Variants in SPATA13 observed in about 807,000 individuals in gnomAD.
SPATA13 encodes the protein spermatogenesis-associated protein 13.
Under a neutral mutation model 104.0 loss-of-function variants are expected in SPATA13, and 50 were observed. The observed-to-expected ratio is 0.48, with a 90% CI of 0.38 to 0.61. The LOEUF is 0.61. Ranked by LOEUF, SPATA13 falls within the 20% of genes least tolerant of loss-of-function variation. SPATA13 has a pLI of 0.00. For synonymous variants in SPATA13, 606 were observed against 667.5 expected (o/e 0.91, Z 1.42); for missense variants, 1,524 against 1,690.6 (o/e 0.90, Z 1.73).
chr13:24,148,941 C>T (rs115478316), intron 3 of SPATA13, among the ~76,000 whole-genome samples: 3,264 of 152,244 alleles, frequency 0.021, 117 homozygotes, highest in African/African-American at 0.075. Flanking sequence ...GAAATGCTCT[C>T]CTATGCATGC....
Position 24,148,910 on chromosome 13 carries a change from A to G in SPATA13, c.-111-73909A>G, listed in dbSNP as rs917683212. 1.1e-4 allele frequency among the ~76,000 whole-genome samples: 16 copies of G among 150,162 alleles called. No homozygotes were observed. The South Asian group carries it at 2.9e-3, about 27-fold the overall frequency. On this transcript the variant is annotated intron_variant, in intron 3 of 14. Transcript: ENST00000424834. Reference sequence around the variant, plus strand: ...GGCTTGTTTATTATTCATGGTTTCCATGAGTGTTTGTTTATACCAGGAAAT... The same window carrying G: ...GGCTTGTTTATTATTCATGGTTTCCGTGAGTGTTTGTTTATACCAGGAAAT...
intron 1 of SPATA13, among the ~76,000 whole-genome samples, chr13:24,198,918 A>G (rs186154232): frequency 4.5e-4 from 68 of 151,008 alleles, no homozygotes; most frequent in African/African-American, 1.3e-3. Context: ...GTATTTTTAG[A>G]ATATATATTA....
At chr13:24,083,871 C>G (rs75957959) in intron 3 of SPATA13, among the ~76,000 whole-genome samples, 1 of 152,132 alleles carries the variant, frequency 6.6e-6, no homozygotes, top group Non-Finnish European at 1.5e-5. Flanking sequence ...AAAAAACCCC[C>G]GTCTGGAGAT....
intron 3 of SPATA13, among the ~76,000 whole-genome samples, chr13:24,116,981 T>C (rs1318155631): frequency 3.9e-5 from 6 of 152,166 alleles, no homozygotes. Flanking sequence ...ACCAGGAACT[T>C]AATCAGAGGG....
intron 2 of SPATA13, among the ~76,000 whole-genome samples, chr13:24,235,702 A>G (rs956736740): frequency 6.6e-6 from 1 of 152,302 alleles, no homozygotes; most frequent in Admixed American, 6.5e-5. Flanking sequence ...GGCCACAGTG[A>G]GTTATGATTG....
At chr13:23,982,346 T>C (rs945323690) in intron 1 of SPATA13, among the ~76,000 whole-genome samples, 9 of 152,204 alleles carry the variant, frequency 5.9e-5, no homozygotes, top group Non-Finnish European at 1.2e-4. Context: ...ATTTTACTGT[T>C]AAAATTTTAT....
chr13:24,284,076 T>C (rs573533304), intron 4 of SPATA13, 59 bp from the exon 5 acceptor site: 2 of 1,546,744 alleles, frequency 1.3e-6, no homozygotes, highest in African/African-American at 2.7e-5. Context: ...TTTTTCATCA[T>C]ATGAAAAAAT....
chr13:24,251,607 A>G, intron 3 of SPATA13, 111 bp from the exon 4 acceptor site: 1 of 1,522,580 alleles, frequency 6.6e-7, no homozygotes, highest in Non-Finnish European at 8.8e-7. Context: ...GATTGGAGAA[A>G]CCATTTCACG....
Position 24,224,260 on chromosome 13 carries a change from C to A in SPATA13, c.1331C>A (p.Ser444Tyr), listed in dbSNP as rs1215037723. 4 of 1,551,600 alleles carry A rather than the reference C, an allele frequency of 2.6e-6. No individual in the cohort carries two copies. The highest frequency in any genetic ancestry group is 3.5e-6 in the Non-Finnish European group (4 of 1,146,996). Residue 444 changes from serine to tyrosine, a missense_variant, in exon 2 of 13, where the codon TCC becomes TAC. Around this residue, in one of 2 missense-constraint regions of SPATA13, gnomAD observed 1,089 missense variants for 1,135.9 expected, o/e 0.96. Transcript: ENST00000382108. Reference protein sequence around the residue: ...PIVQDVLSKDSCDPNAGSQLT... With the variant: ...PIVQDVLSKDYCDPNAGSQLT... The stretch of plus-strand genomic sequence containing the variant: ...GTCCAGGATGTGTTGAGCAAAGACT[C>A]CTGTGACCCAAACGCTGGCAGCCAG...
rs147600287 is a variant in SPATA13 at position 24,068,294 on chromosome 13, A to G, written c.-112+50593A>G. ...TGTTCCTGCTAGTTTGCTAAGGATA[A>G]TGACCTCCCTACAGAAGACATGATC... On this transcript the variant is annotated intron_variant, in intron 3 of 14. Transcript: ENST00000424834. Among the ~76,000 whole-genome samples, 7 of 152,220 alleles carry G rather than the reference A, an allele frequency of 4.6e-5. No homozygotes were observed. In the East Asian group the frequency reaches 1.2e-3, roughly 25 times the overall value.
intron 4 of SPATA13, among the ~76,000 whole-genome samples, chr13:24,265,381 G>C (rs1417420002): frequency 6.6e-6 from 1 of 152,202 alleles, no homozygotes; most frequent in African/African-American, 2.4e-5. Context: ...TAATAATCAT[G>C]TTTGTCTTTA....
chr13:24,224,956 G>A (rs1373992634), intron 2 of SPATA13, among the ~76,000 whole-genome samples: 1 of 152,154 alleles, frequency 6.6e-6, no homozygotes, highest in African/African-American at 2.4e-5. Context: ...ATTTTAAGCT[G>A]TTTCTGTAAC....
At chr13:24,270,713 A>G (rs1874533943) in intron 4 of SPATA13, 6 of 1,509,750 alleles carry the variant, frequency 4.0e-6, no homozygotes, top group Admixed American at 2.1e-5. Flanking sequence ...CTGGCCGGGA[A>G]CGCATACAAC....
chr13:24,080,598 A>G (rs1016376108), intron 3 of SPATA13, among the ~76,000 whole-genome samples: 4 of 152,216 alleles, frequency 2.6e-5, no homozygotes, highest in Non-Finnish European at 5.9e-5. Flanking sequence ...CAGGCCGCAC[A>G]CCACCTAAGA....
At chr13:24,178,498 A>T (rs1566135118) in intron 1 of SPATA13, among the ~76,000 whole-genome samples, 1 of 152,154 alleles carries the variant, frequency 6.6e-6, no homozygotes, top group Non-Finnish European at 1.5e-5. Context: ...GGCTATGATC[A>T]AGTATAGTTA....
chr13:24,149,457 T>C (rs1882032773), intron 3 of SPATA13, among the ~76,000 whole-genome samples: 1 of 152,164 alleles, frequency 6.6e-6, no homozygotes, highest in Non-Finnish European at 1.5e-5. Flanking sequence ...GACCTTCCCT[T>C]TCTGTTGGTG....
intron 4 of SPATA13, among the ~76,000 whole-genome samples, chr13:24,255,751 C>T (rs994567042): frequency 1.3e-5 from 2 of 152,216 alleles, no homozygotes; most frequent in African/African-American, 2.4e-5. Context: ...AGTCCTGGAA[C>T]TCCTTCCTTT....
At chr13:24,269,702 G>A (rs1169491818) in intron 4 of SPATA13, among the ~76,000 whole-genome samples, 2 of 150,708 alleles carry the variant, frequency 1.3e-5, no homozygotes, top group South Asian at 2.1e-4. Flanking sequence ...CTGAGTAGCT[G>A]GGACCACAGG....
chr13:24,020,879 T>TA (rs1876944801), intron 3 of SPATA13, among the ~76,000 whole-genome samples: 1 of 152,092 alleles, frequency 6.6e-6, no homozygotes, highest in South Asian at 2.1e-4. Context: ...CGGTCTCTAC[T>TA]AAAAATACAA....
Sources: gnomAD v4.1 joint callset for allele counts (sites outside exome capture counted in the v4.1 genomes callset) on GRCh38, gnomAD v4.1.1 for gene constraint, gnomAD v4.1.1 regional missense constraint, MANE v1.5 for transcripts, NCBI Gene and HGNC (gene_info 2026-07-23, HGNC 2026-07-21) for gene names.